Variants in TMEM108 observed in about 807,000 individuals in gnomAD.
TMEM108 encodes cancer/testis antigen 124.
A neutral mutation model predicts 35.1 loss-of-function variants in TMEM108; 12 were observed. That is an observed-to-expected ratio of 0.34 (90% CI 0.22 to 0.55). The LOEUF (loss-of-function observed/expected upper bound fraction) is 0.55. TMEM108 is among the 20% of genes least tolerant of loss of function. The pLI is 0.89. For missense variants in TMEM108, 680 were observed against 753.3 expected (o/e 0.90, Z 1.14); for synonymous variants, 287 against 308.6 (o/e 0.93, Z 0.73).
intron 2 of TMEM108, among the ~76,000 whole-genome samples, chr3:133,220,595 T>G (rs1365803349): frequency 1.3e-5 from 2 of 152,210 alleles, no homozygotes; most frequent in Non-Finnish European, 2.9e-5. Context: ...ATGTATTTAT[T>G]TACCTTTACT....
chr3:133,165,186 G>C (rs552271681), intron 2 of TMEM108, among the ~76,000 whole-genome samples: 1 of 152,298 alleles, frequency 6.6e-6, no homozygotes, highest in Non-Finnish European at 1.5e-5. Context: ...AGGCTCAAAA[G>C]AGAAGCAGAG....
chr3:133,274,360 T>C (rs1946811538), intron 3 of TMEM108, among the ~76,000 whole-genome samples: 1 of 152,224 alleles, frequency 6.6e-6, no homozygotes, highest in Admixed American at 6.5e-5. Context: ...CCTTCTTTCC[T>C]TCTCTTGCCT....
chr3:133,176,027 C>T (rs1363722434), intron 2 of TMEM108, among the ~76,000 whole-genome samples: 1 of 152,160 alleles, frequency 6.6e-6, no homozygotes, highest in Non-Finnish European at 1.5e-5. Flanking sequence ...CAATCCTAGT[C>T]TTGGAAAAAA....
intron 3 of TMEM108, among the ~76,000 whole-genome samples, chr3:133,274,759 G>A (rs1171537324): frequency 6.6e-6 from 1 of 152,156 alleles, no homozygotes; most frequent in African/African-American, 2.4e-5. Context: ...TTAAGTGAAT[G>A]CCTTGGGTCA....
intron 3 of TMEM108, among the ~76,000 whole-genome samples, chr3:133,379,085 T>A (rs1034196250): frequency 3.3e-5 from 5 of 152,270 alleles, no homozygotes; most frequent in African/African-American, 1.2e-4. Context: ...ATTTTAGGAT[T>A]GTTTGTGGAT....
intron 2 of TMEM108, among the ~76,000 whole-genome samples, chr3:133,082,290 C>T (rs774524262): frequency 6.6e-6 from 1 of 152,182 alleles, no homozygotes; most frequent in South Asian, 2.1e-4. Context: ...TGCATAACTG[C>T]CAGCGGCACT....
chr3:133,364,399 G>T (rs551004377), intron 3 of TMEM108, among the ~76,000 whole-genome samples: 1 of 152,282 alleles, frequency 6.6e-6, no homozygotes, highest in African/African-American at 2.4e-5. Flanking sequence ...CACTGACAAG[G>T]GATTTGTCAA....
At chr3:133,147,681 C>A (rs1944741596) in intron 2 of TMEM108, among the ~76,000 whole-genome samples, 1 of 152,198 alleles carries the variant, frequency 6.6e-6, no homozygotes, top group Non-Finnish European at 1.5e-5. Context: ...AACCTACTAC[C>A]TATTGCTGAG....
intron 3 of TMEM108, among the ~76,000 whole-genome samples, chr3:133,370,871 A>AGTGTGTGTGAGTGTGTGT (rs2072641613): frequency 8.0e-6 from 1 of 125,466 alleles, no homozygotes; most frequent in African/African-American, 3.0e-5. Context: ...CCCAGCCCAT[A>AGTGTGTGTGAGTGTGTGT]GTGTGTGTGT....
chr3:133,365,067 G>T (rs1559929605), intron 3 of TMEM108, among the ~76,000 whole-genome samples: 1 of 152,194 alleles, frequency 6.6e-6, no homozygotes, highest in Non-Finnish European at 1.5e-5. Flanking sequence ...GGAAAGGCGT[G>T]TAACCTTGAG....
At chr3:133,376,553 T>G (rs1301895354) in intron 3 of TMEM108, among the ~76,000 whole-genome samples, 1 of 152,132 alleles carries the variant, frequency 6.6e-6, no homozygotes, top group African/African-American at 2.4e-5. Flanking sequence ...CTGGCGTCAG[T>G]CAGGAAGTGC....
At chr3:133,180,364 C>G (rs1240619183) in intron 2 of TMEM108, among the ~76,000 whole-genome samples, 1 of 152,040 alleles carries the variant, frequency 6.6e-6, no homozygotes, top group East Asian at 1.9e-4. Context: ...ATAGGCCTGA[C>G]AGTTAAGTCC....
At chr3:133,083,614 C>G (rs1329195175) in intron 2 of TMEM108, among the ~76,000 whole-genome samples, 1 of 152,146 alleles carries the variant, frequency 6.6e-6, no homozygotes, top group Non-Finnish European at 1.5e-5. Context: ...GTGTCACATT[C>G]ATTGGGCAAT....
chr3:133,290,755 G>T (rs902724384), intron 3 of TMEM108, among the ~76,000 whole-genome samples: 1 of 152,112 alleles, frequency 6.6e-6, no homozygotes, highest in African/African-American at 2.4e-5. Flanking sequence ...AAAAGCAAAA[G>T]AAAATGGCGT....
At chr3:133,086,192 C>T (rs1027009927) in intron 2 of TMEM108, among the ~76,000 whole-genome samples, 2 of 152,200 alleles carry the variant, frequency 1.3e-5, no homozygotes, top group Admixed American at 6.5e-5. Context: ...GGTTCTCCCT[C>T]TGTACCTTGT....
At chr3:133,217,251 C>A (rs138718363) in intron 2 of TMEM108, among the ~76,000 whole-genome samples, 6 of 152,000 alleles carry the variant, frequency 3.9e-5, no homozygotes, top group African/African-American at 1.4e-4. Context: ...AATGTCTATT[C>A]AGTTTTTTTG....
intron 2 of TMEM108, among the ~76,000 whole-genome samples, chr3:133,135,723 G>T (rs987807702): frequency 1.3e-5 from 2 of 152,174 alleles, no homozygotes; most frequent in Admixed American, 6.6e-5. Flanking sequence ...GAGAAGAAAA[G>T]AAATTTTAAA....
At chr3:133,299,736 G>C (rs1370264856) in intron 3 of TMEM108, among the ~76,000 whole-genome samples, 1 of 152,094 alleles carries the variant, frequency 6.6e-6, no homozygotes, top group Non-Finnish European at 1.5e-5. Flanking sequence ...GGAGAGCCAG[G>C]CCATCATACG....
At chr3:133,162,081 G>T (rs578023770) in intron 2 of TMEM108, among the ~76,000 whole-genome samples, 1 of 151,990 alleles carries the variant, frequency 6.6e-6, no homozygotes, top group African/African-American at 2.4e-5. Flanking sequence ...AGATATGAGT[G>T]TATTCTAAAC....
Sources: gnomAD v4.1 joint callset for allele counts (sites outside exome capture counted in the v4.1 genomes callset) on GRCh38, gnomAD v4.1.1 for gene constraint, MANE v1.5 for transcripts, NCBI Gene and HGNC (gene_info 2026-07-23, HGNC 2026-07-21) for gene names.